ABLIM3: variants seen among roughly 807,000 people sequenced by gnomAD.
The protein encoded by ABLIM3 is actin binding LIM protein family member 3.
In ABLIM3, 61 loss-of-function variants were observed where a neutral mutation model predicts 109.5. The ratio of observed to expected loss-of-function variants is 0.56; its 90% CI spans 0.45 to 0.69. The LOEUF is 0.69. ABLIM3 is among the 30% of genes least tolerant of loss of function. The pLI is 0.00. For synonymous variants in ABLIM3, 300 were observed against 324.8 expected (o/e 0.92, Z 0.82); for missense variants, 796 against 889.5 (o/e 0.89, Z 1.34).
chr5:149,213,032 G>A (rs550915124), intron 7 of ABLIM3, among the ~76,000 whole-genome samples: 1 of 152,300 alleles, frequency 6.6e-6, no homozygotes, highest in East Asian at 1.9e-4. Context: ...AGGATCACTT[G>A]AGCCTGAGAG....
Position 149,240,762 on chromosome 5 carries a change from T to C in ABLIM3, c.1291T>C (p.Phe431Leu). The C allele has an allele frequency of 6.2e-7, 1 of 1,614,096 alleles. No individual in the cohort carries two copies. Among genetic ancestry groups the C allele is most frequent in the South Asian group, 1.1e-5 (1 of 91,080 alleles). Reference sequence around the variant, plus strand: ...AACCTCTTACCAGGCTCCCAAGCACTTTCACATCCCAGGTAGGCACTGCCA... The same window carrying C: ...AACCTCTTACCAGGCTCCCAAGCACCTTCACATCCCAGGTAGGCACTGCCA... ...TPTSYQAPKH[F>L]HIPAGDSNIY... The change falls in exon 14 of 24, where the codon TTT (phenylalanine) becomes CTT (leucine). Residue 431 changes from phenylalanine (F) to leucine (L), a missense_variant. Coordinates refer to ENST00000309868, the MANE Select transcript of ABLIM3 (RefSeq NM_014945.5).
chr5:149,142,157 G>GGGGGGGGC, intron 2 of ABLIM3, 49 bp downstream of exon 2: 1 of 1,535,608 alleles, frequency 6.5e-7, no homozygotes, highest in African/African-American at 1.4e-5. Flanking sequence ...GTGGGGGCGG[G>GGGGGGGGC]AGGTGAGGGA....
intron 8 of ABLIM3, chr5:149,220,768 T>G (rs1169010519): frequency 2.0e-5 from 3 of 152,222 alleles, no homozygotes. Context: ...CCTTGAGAAG[T>G]GGCTTCCTTC....
chr5:149,145,343 T>C (rs1489642759), intron 2 of ABLIM3, among the ~76,000 whole-genome samples: 1 of 152,236 alleles, frequency 6.6e-6, no homozygotes, highest in East Asian at 1.9e-4. Flanking sequence ...TATGGATGCA[T>C]AGTATTCCAT....
In ABLIM3 at chr5:149,178,148, G is replaced by A. The variant is rs1044265313; in HGVS notation, c.14-5304G>A. Among the ~76,000 whole-genome samples the A allele has an allele frequency of 5.9e-5, 9 of 152,062 alleles. 1 individual carries two copies. In the South Asian group the frequency reaches 1.9e-3, roughly 32 times the overall value. The stretch of plus-strand genomic sequence containing the variant: ...GCTCAACTCTGAAATCAAACCGGAG[G>A]CCCCTGCTGTGAAGTACCAGATCCT... On this transcript the variant is annotated intron_variant, in intron 2 of 23. Transcript: ENST00000309868.
intron 15 of ABLIM3, among the ~76,000 whole-genome samples, chr5:149,242,954 C>T (rs1753005803): frequency 6.6e-6 from 1 of 152,192 alleles, no homozygotes; most frequent in African/African-American, 2.4e-5. Context: ...CTGTATGTGT[C>T]ACGGTTTCTC....
intron 6 of ABLIM3, among the ~76,000 whole-genome samples, chr5:149,209,779 G>T (rs1759360613): frequency 6.6e-6 from 1 of 152,162 alleles, no homozygotes. Flanking sequence ...TCCTTGCCTT[G>T]TGGGCACAGT....
intron 2 of ABLIM3, among the ~76,000 whole-genome samples, chr5:149,173,977 G>A (rs1314086677): frequency 1.4e-5 from 2 of 144,482 alleles, no homozygotes; most frequent in African/African-American, 2.6e-5. Context: ...AGCCGAGATC[G>A]CGCCACTGCA....
chr5:149,254,947 C>A (rs58432439), intron 23 of ABLIM3, among the ~76,000 whole-genome samples: 128 of 152,280 alleles, frequency 8.4e-4, no homozygotes, highest in African/African-American at 3.0e-3. Context: ...AGCTGAGGCC[C>A]ATGGGCTAAA....
At chr5:149,257,895 A>G (rs1754580945) in intron 23 of ABLIM3, among the ~76,000 whole-genome samples, 1 of 152,204 alleles carries the variant, frequency 6.6e-6, no homozygotes, top group South Asian at 2.1e-4. Context: ...AATCTTGGAC[A>G]TGGCTCCTTT....
In ABLIM3 at chr5:149,252,675, AG is replaced by A. The variant is rs1754045979; in HGVS notation, c.1858-81del. The A allele has an allele frequency of 5.6e-5, 59 of 1,048,494 alleles. No homozygotes were observed. In the South Asian group the frequency reaches 7.5e-4, roughly 13 times the overall value. 64.9% of individuals were successfully genotyped at this position (1,048,494 alleles called of 1,614,324 possible). A position where few individuals can be genotyped will look rare whatever the true frequency, so the allele number is the denominator to read the frequency against. On this transcript the variant is annotated intron_variant, in intron 22 of 23. Transcript: ENST00000309868. The stretch of plus-strand genomic sequence containing the variant: ...TTCTGGCCATTTCTGGATAGAACAG[AG>A]AGCCCAGACACAAAATGTACCTGAA...
intron 14 of ABLIM3, among the ~76,000 whole-genome samples, chr5:149,241,725 T>C (rs1561627451): frequency 2.0e-5 from 3 of 152,104 alleles, no homozygotes; most frequent in African/African-American, 4.8e-5. Context: ...TGCCACTGCA[T>C]TCCAGCCTGG....
At chr5:149,169,085 A>AGCCCCCCC (rs1755110550) in intron 2 of ABLIM3, among the ~76,000 whole-genome samples, 1 of 132,280 alleles carries the variant, frequency 7.6e-6, no homozygotes. Flanking sequence ...TTGCTGTAGG[A>AGCCCCCCC]CCCCCCCACC....
Position 149,247,701 on chromosome 5 carries a change from C to T in ABLIM3, c.1552-81C>T, listed in dbSNP as rs1170831852. 16 of 1,579,672 alleles carry T rather than the reference C, an allele frequency of 1.0e-5. No homozygotes were observed. The East Asian group carries it at 3.6e-4, about 35-fold the overall frequency. On this transcript the variant is annotated intron_variant, in intron 17 of 23. Coordinates refer to ENST00000309868, the MANE Select transcript of ABLIM3 (RefSeq NM_014945.5). Reference sequence around the variant, plus strand: ...AGCAGGCTGCTATGGAGGATGTGATCCTCAGCCTTGCCCAAGCCCGTTCCA... The same window carrying T: ...AGCAGGCTGCTATGGAGGATGTGATTCTCAGCCTTGCCCAAGCCCGTTCCA...
intron 6 of ABLIM3, among the ~76,000 whole-genome samples, chr5:149,209,711 G>C (rs1425786608): frequency 6.6e-6 from 1 of 152,226 alleles, no homozygotes; most frequent in Non-Finnish European, 1.5e-5. Flanking sequence ...ATTGAGCGGG[G>C]GAGGAGGGAG....
At chr5:149,204,487 AAAAAG>A (rs1266449576) in intron 5 of ABLIM3, among the ~76,000 whole-genome samples, 1 of 152,248 alleles carries the variant, frequency 6.6e-6, no homozygotes, top group Non-Finnish European at 1.5e-5. Flanking sequence ...AGTATAATAT[AAAAAG>A]AAAAGCCACA....
Position 149,247,995 on chromosome 5 carries a change from A to G in ABLIM3, c.1699+66A>G, listed in dbSNP as rs375222592. The G allele has an allele frequency of 1.8e-5, 28 of 1,556,116 alleles. No individual in the cohort carries two copies. The South Asian group carries it at 2.9e-4, about 16-fold the overall frequency. ...TTCTCTGTGACTAGCTGGCAGTGTC[A>G]GCTGTTTGCTCTGAGCCAGGCTCCC... is the stretch of plus-strand genomic sequence containing the variant. On this transcript the variant is annotated intron_variant, in intron 18 of 23. Coordinates refer to ENST00000309868, the MANE Select transcript of ABLIM3 (RefSeq NM_014945.5).
At chr5:149,247,337 C>T (rs1315423012) in intron 17 of ABLIM3, among the ~76,000 whole-genome samples, 1 of 152,102 alleles carries the variant, frequency 6.6e-6, no homozygotes, top group Admixed American at 6.5e-5. Flanking sequence ...ATGGGATCTC[C>T]TTTGGGGGAA....
At chr5:149,240,499 A>T in intron 13 of ABLIM3, 177 bp from the exon 14 acceptor site, 1 of 600,628 alleles carries the variant, frequency 1.7e-6, no homozygotes, top group Non-Finnish European at 3.0e-6. Flanking sequence ...GTTTCTGCCA[A>T]CGTGGTGCAT....
Sources: gnomAD v4.1 joint callset for allele counts (sites outside exome capture counted in the v4.1 genomes callset) on GRCh38, gnomAD v4.1.1 for gene constraint, MANE v1.5 for transcripts, NCBI Gene and HGNC (gene_info 2026-07-23, HGNC 2026-07-21) for gene names.